Variants in SYT3 observed in about 807,000 individuals in gnomAD.
SYT3 encodes synaptotagmin 3, also known as synaptotagmin-3.
In SYT3, 25 loss-of-function variants were observed where a neutral mutation model predicts 50.6. The ratio of observed to expected loss-of-function variants is 0.49; its 90% CI spans 0.36 to 0.69. The LOEUF (loss-of-function observed/expected upper bound fraction) is 0.69. Among genes scored for constraint, SYT3 ranks in the 30% least tolerant of loss-of-function variants. The probability of loss-of-function intolerance (pLI) is 0.00; values close to 1 mark genes in which losing one functional copy is unlikely to be tolerated. For missense variants in SYT3, 589 were observed against 793.6 expected (o/e 0.74, Z 3.10); for synonymous variants, 323 against 353.9 (o/e 0.91, Z 0.98).
In SYT3 at chr19:50,625,754, T is replaced by A; in HGVS notation, c.1402+143A>T. The A allele has an allele frequency of 2.2e-6, 2 of 920,118 alleles. No individual in the cohort carries two copies. The highest frequency in any genetic ancestry group is 1.6e-6 in the Non-Finnish European group (1 of 633,008). 57.0% of individuals were successfully genotyped at this position (920,118 alleles called of 1,614,324 possible). A position where few individuals can be genotyped will look rare whatever the true frequency, so the allele number is the denominator to read the frequency against. On this transcript the variant is annotated intron_variant, in intron 7 of 10. Coordinates refer to ENST00000600079, the MANE Select transcript of SYT3 (RefSeq NM_001160329.2). The surrounding 1 kb of genome is among the most constrained non-coding windows in gnomAD (Gnocchi z 7.5). ...TCTCCGACCCAGGAGTCCAGGCCCC[T>A]GGCCCCTCCTCCCTCAGACCCAGGA...
chr19:50,628,389 C>G (rs1295448583), intron 6 of SYT3, among the ~76,000 whole-genome samples: 1 of 152,040 alleles, frequency 6.6e-6, no homozygotes, highest in East Asian at 1.9e-4. Flanking sequence ...AAGGAAGAAG[C>G]CATTGGGCCC....
intron 4 of SYT3, among the ~76,000 whole-genome samples, chr19:50,631,950 G>T (rs1385142289): frequency 2.6e-5 from 4 of 152,060 alleles, no homozygotes; most frequent in Non-Finnish European, 5.9e-5. Flanking sequence ...GGGTGAAAGG[G>T]GGTGAACTGC....
Position 50,625,156 on chromosome 19 carries a change from A to C in SYT3, c.1707+6T>G. On this transcript the variant is annotated splice_donor_region_variant and intron_variant, in intron 9 of 10. Transcript: ENST00000600079. This position sits in a 1 kb window ranked among gnomAD's most constrained non-coding sequence, Gnocchi z 7.5. Reference sequence around the variant, plus strand: ...TGTCAGGGGTCGGTGTGGGACCCCTACTCACCTCCACTAGCTGATGCCAGT... The same window carrying C: ...TGTCAGGGGTCGGTGTGGGACCCCTCCTCACCTCCACTAGCTGATGCCAGT... The C allele has an allele frequency of 1.9e-6, 3 of 1,581,538 alleles. No individual in the cohort carries two copies. Among genetic ancestry groups the C allele is most frequent in the Non-Finnish European group, 2.6e-6 (3 of 1,169,526 alleles).
the SYT3 span, among the ~76,000 whole-genome samples, chr19:50,648,792 C>A: frequency 1.3e-5 from 2 of 152,072 alleles, no homozygotes; most frequent in African/African-American, 2.4e-5. Flanking sequence ...CTGTTTCTAA[C>A]CAGTTCCTGG....
rs376592419 is a variant in SYT3, at chr19:50,632,789, C to T, written c.171G>A (p.Ser57=). Residue 57 remains serine, a synonymous_variant, in exon 4 of 11, where the codon TCG becomes TCA. Transcript: ENST00000600079. The surrounding 1 kb of genome is among the most constrained non-coding windows in gnomAD (Gnocchi z 4.7). ...CAATGCCACAGAATGTCACGATGAC[C>T]GACAGCAGGCTCACGGAGATGTCTG... The part of the protein sequence containing the change: ...PDADISVSLL[S]VIVTFCGIVL... 3.3e-5 allele frequency: 50 copies of T among 1,516,734 alleles called. No individual in the cohort carries two copies. The highest frequency in any genetic ancestry group is 2.5e-4 in the African/African-American group (18 of 72,544). The allele number at this position is 1,516,734 out of a possible 1,614,324, so 94.0% of individuals were successfully genotyped here.
In SYT3 at chr19:50,623,613, C is replaced by CA. The variant is rs529397903; in HGVS notation, c.1708-859dup. On this transcript the variant is annotated intron_variant, in intron 9 of 10. Transcript: ENST00000600079. ...ACAACATGGCAAAACCCTGTCTCTA[C>CA]AAAAAAAAAAAAAAAAAAAAAAAAA... 1.5e-3 allele frequency among the ~76,000 whole-genome samples: 138 copies of CA among 91,598 alleles called. 12 individuals are homozygous for CA. Among genetic ancestry groups the CA allele is most frequent in the East Asian group, 6.2e-3 (11 of 1,786 alleles). The allele number at this position is 91,598 out of a possible 152,430, so 60.1% of individuals were successfully genotyped here. A position where few individuals can be genotyped will look rare whatever the true frequency, so the allele number is the denominator to read the frequency against.
chr19:50,641,392 A>G (rs1444560087), upstream of SYT3, among the ~76,000 whole-genome samples: 2 of 149,574 alleles, frequency 1.3e-5, no homozygotes, highest in Non-Finnish European at 3.0e-5. Flanking sequence ...CGTGGTCTCG[A>G]TCTCCTGACC....
At chr19:50,626,860 T>C (rs1408176081) in intron 6 of SYT3, among the ~76,000 whole-genome samples, 1 of 143,794 alleles carries the variant, frequency 7.0e-6, no homozygotes, top group Non-Finnish European at 1.5e-5. Flanking sequence ...CCAGAGAGAG[T>C]GATAGTTACC....
At chr19:50,653,210 T>C in the SYT3 span, among the ~76,000 whole-genome samples, 1 of 152,026 alleles carries the variant, frequency 6.6e-6, no homozygotes, top group Non-Finnish European at 1.5e-5. Context: ...CCTAATTTTT[T>C]GTATTTTTAG....
At chr19:50,648,881 A>G in the SYT3 span, among the ~76,000 whole-genome samples, 1,665 of 151,334 alleles carry the variant, frequency 0.011, 30 homozygotes, top group African/African-American at 0.037. Flanking sequence ...GGGGCAGTGG[A>G]GGCAGCTAGG....
At chr19:50,648,300 G>T in the SYT3 span, among the ~76,000 whole-genome samples, 4 of 152,096 alleles carry the variant, frequency 2.6e-5, no homozygotes, top group Admixed American at 2.0e-4. Flanking sequence ...TCTTAAGCTC[G>T]CCACTGAACA....
At chr19:50,633,216 A>C (rs1984384064) in intron 3 of SYT3, among the ~76,000 whole-genome samples, 1 of 152,138 alleles carries the variant, frequency 6.6e-6, no homozygotes, top group East Asian at 1.9e-4. Flanking sequence ...TCCTGGCCTC[A>C]AGCAATCTTC....
At chr19:50,650,434 C>G in the SYT3 span, among the ~76,000 whole-genome samples, 1 of 152,206 alleles carries the variant, frequency 6.6e-6, no homozygotes, top group South Asian at 2.1e-4. Context: ...ACTTTGGAGG[C>G]CGAGGTGAGT....
At chr19:50,650,866 C>G in the SYT3 span, among the ~76,000 whole-genome samples, 2 of 152,288 alleles carry the variant, frequency 1.3e-5, no homozygotes, top group South Asian at 2.1e-4. Flanking sequence ...TTTGGAGACC[C>G]CACAATGCAC....
In SYT3 at chr19:50,630,154, C is replaced by CGG; in HGVS notation, c.690_691dup (p.Arg231ProfsTer9). 1 of 1,101,980 alleles carries CGG rather than the reference C, an allele frequency of 9.1e-7. No individual in the cohort carries two copies. The highest frequency in any genetic ancestry group is 1.3e-6 in the Non-Finnish European group (1 of 792,278). The allele number at this position is 1,101,980 out of a possible 1,614,324, so 68.3% of individuals were successfully genotyped here. A position where few individuals can be genotyped will look rare whatever the true frequency, so the allele number is the denominator to read the frequency against. On this transcript the variant is annotated frameshift_variant, in exon 5 of 11. Transcript: ENST00000600079. LOFTEE classifies it high-confidence loss of function. ...GGTCAGAGTCTGCTGGGTGAGGGGTCGGGGCAGGGCTGGGTACCTGTAGGG... is the reference window on the plus strand; with the variant it reads ...GGTCAGAGTCTGCTGGGTGAGGGGTCGGGGGGCAGGGCTGGGTACCTGTAGGG...
At chr19:50,646,892 G>A in the SYT3 span, among the ~76,000 whole-genome samples, 4 of 152,052 alleles carry the variant, frequency 2.6e-5, no homozygotes, top group Non-Finnish European at 4.4e-5. Context: ...GTGCAGTGGC[G>A]CGATCTCGGC....
At chr19:50,640,878 G>A (rs903658633), upstream of SYT3, among the ~76,000 whole-genome samples, 3 of 152,130 alleles carry the variant, frequency 2.0e-5, no homozygotes, top group South Asian at 2.1e-4. Flanking sequence ...GAGGTGGCTC[G>A]GAGGCCCCCT....
chr19:50,646,274 G>C, the SYT3 span, among the ~76,000 whole-genome samples: 1 of 152,152 alleles, frequency 6.6e-6, no homozygotes, highest in Non-Finnish European at 1.5e-5. Flanking sequence ...CTCAGAGAGG[G>C]GAAGACATTT....
chr19:50,639,273 G>A lies in SYT3; in HGVS notation c.-153-111C>T, dbSNP rs1187880486. On this transcript the variant is annotated intron_variant, in intron 1 of 10. Coordinates refer to ENST00000600079, the MANE Select transcript of SYT3 (RefSeq NM_001160329.2). The surrounding 1 kb of genome is among the most constrained non-coding windows in gnomAD (Gnocchi z 4.6). The stretch of plus-strand genomic sequence containing the variant: ...GCCCGGCCACCCCCTCCCACCTCCG[G>A]GCCCCCAGCTCCCGTTGAGGGCTTA... 2 of 152,214 alleles carry A rather than the reference G, an allele frequency of 1.3e-5. No homozygotes were observed. The highest frequency in any genetic ancestry group is 1.9e-4 in the East Asian group (1 of 5,152). The allele number at this position is 152,214 out of a possible 1,614,324, so 9.4% of individuals were successfully genotyped here.
Sources: allele counts gnomAD v4.1 joint callset (sites outside exome capture counted in the v4.1 genomes callset), GRCh38; gene constraint gnomAD v4.1.1; non-coding constraint Gnocchi (gnomAD v3.1); transcripts MANE v1.5; gene names NCBI Gene and HGNC (gene_info 2026-07-23, HGNC 2026-07-21).